Variants in ASPH observed in about 807,000 individuals in gnomAD.
ASPH encodes the protein aspartyl/asparaginyl beta-hydroxylase.
A neutral mutation model predicts 118.4 loss-of-function variants in ASPH; 100 were observed. That is an observed-to-expected ratio of 0.84 (90% confidence interval 0.72 to 1.00). ASPH has a LOEUF of 1.00. ASPH is among the 50% of genes least tolerant of loss of function. The pLI is 0.00. For synonymous variants in ASPH, 315 were observed against 325.6 expected, an observed-to-expected ratio of 0.97 and a Z score of 0.35; for missense variants, 920 against 919.5, an observed-to-expected ratio of 1.00 and a Z score of -0.01.
intron 3 of ASPH, among the ~76,000 whole-genome samples, chr8:61,679,525 T>C (rs971668130): frequency 6.6e-6 from 1 of 152,002 alleles, no homozygotes; most frequent in South Asian, 2.1e-4. Context: ...TCTAATGGCA[T>C]TTCCTGACAG....
chr8:61,662,920 A>G, intron 3 of ASPH: 1 of 984,912 alleles, frequency 1.0e-6, no homozygotes, highest in Non-Finnish European at 1.2e-6. Context: ...AGAATTTAGT[A>G]TTTATGTATT....
chr8:61,626,159 C>T, intron 13 of ASPH: 1 of 1,274,188 alleles, frequency 7.8e-7, no homozygotes, highest in Non-Finnish European at 1.0e-6. Flanking sequence ...AGTGTTCCTT[C>T]CCAAAGATCT....
chr8:61,646,472 C>T (rs1808031750), intron 6 of ASPH, among the ~76,000 whole-genome samples: 1 of 152,062 alleles, frequency 6.6e-6, no homozygotes, highest in Admixed American at 6.5e-5. Flanking sequence ...ACAAATAGCA[C>T]CCTAAGCAGA....
intron 14 of ASPH, among the ~76,000 whole-genome samples, chr8:61,607,611 A>C (rs1365633009): frequency 7.1e-6 from 1 of 140,810 alleles, no homozygotes; most frequent in Non-Finnish European, 1.6e-5. Flanking sequence ...TACTTTAATA[A>C]TAAGAGTTAA....
chr8:61,668,209 G>T (rs532697140), intron 3 of ASPH: 1 of 1,587,380 alleles, frequency 6.3e-7, no homozygotes, highest in Non-Finnish European at 8.6e-7. Context: ...ATTCACTCAA[G>T]GCTAATTTGA....
intron 1 of ASPH, among the ~76,000 whole-genome samples, chr8:61,692,658 G>A (rs758059408): frequency 3.3e-5 from 5 of 152,046 alleles, no homozygotes; most frequent in African/African-American, 9.7e-5. Context: ...CCCTCACCCC[G>A]GATCAGCTAT....
intron 19 of ASPH, 91 bp from the exon 20 acceptor site, chr8:61,553,211 T>C (rs1227114028): frequency 2.9e-6 from 3 of 1,033,464 alleles, no homozygotes; most frequent in Non-Finnish European, 4.3e-6. Flanking sequence ...GCACATCGTA[T>C]GAAAACCTAA....
At chr8:61,619,880 GGA>G (rs1422835449) in intron 13 of ASPH, among the ~76,000 whole-genome samples, 2 of 152,136 alleles carry the variant, frequency 1.3e-5, no homozygotes, top group Non-Finnish European at 2.9e-5. Context: ...CACATAGGTT[GGA>G]GAGGGAACAA....
chr8:61,613,868 A>T (rs1848222581), intron 14 of ASPH, among the ~76,000 whole-genome samples: 1 of 152,328 alleles, frequency 6.6e-6, no homozygotes, highest in Non-Finnish European at 1.5e-5. Flanking sequence ...TAAGAATCAC[A>T]AGGAAAACTT....
At chr8:61,517,813 A>G in intron 23 of ASPH, 152 bp from the exon 24 acceptor site, 1 of 1,235,108 alleles carries the variant, frequency 8.1e-7, no homozygotes, top group South Asian at 1.6e-5. Context: ...TTGTGAAGGA[A>G]CTAAAAATAA....
intron 1 of ASPH, among the ~76,000 whole-genome samples, chr8:61,710,265 A>T (rs898795550): frequency 3.9e-5 from 6 of 152,210 alleles, no homozygotes; most frequent in Non-Finnish European, 8.8e-5. Flanking sequence ...AGGTCATCAT[A>T]TTCCTTCTCC....
At chr8:61,702,386 G>A (rs907815414) in intron 1 of ASPH, among the ~76,000 whole-genome samples, 3 of 147,508 alleles carry the variant, frequency 2.0e-5, no homozygotes, top group African/African-American at 5.0e-5. Flanking sequence ...CCGGGTTCAC[G>A]CCATTCTCCT....
At chr8:61,551,358 T>C (rs754964169) in intron 20 of ASPH, among the ~76,000 whole-genome samples, 5 of 152,234 alleles carry the variant, frequency 3.3e-5, no homozygotes, top group East Asian at 1.9e-4. Flanking sequence ...AGGTGTTTAC[T>C]TCCTGACATG....
At chr8:61,554,662 T>C (rs1247850809) in intron 19 of ASPH, among the ~76,000 whole-genome samples, 1 of 152,206 alleles carries the variant, frequency 6.6e-6, no homozygotes. Flanking sequence ...TAAAAAACAT[T>C]TCCATCACAG....
chr8:61,631,337 A>C (rs1855504227), intron 13 of ASPH, among the ~76,000 whole-genome samples: 1 of 152,168 alleles, frequency 6.6e-6, no homozygotes, highest in Non-Finnish European at 1.5e-5. Context: ...AGCAAATTCC[A>C]GTGCTGTAAG....
intron 22 of ASPH, among the ~76,000 whole-genome samples, chr8:61,521,761 A>T (rs1338430448): frequency 6.6e-6 from 1 of 152,250 alleles, no homozygotes; most frequent in Non-Finnish European, 1.5e-5. Context: ...CTAACAGCCA[A>T]TGCAAATCTG....
intron 21 of ASPH, among the ~76,000 whole-genome samples, chr8:61,527,608 A>T (rs1367133368): frequency 6.6e-6 from 1 of 152,228 alleles, no homozygotes; most frequent in Non-Finnish European, 1.5e-5. Flanking sequence ...GGGAGGCCAA[A>T]GGAGAACTTT....
At position 61,701,610 on chromosome 8, in the gene ASPH, G is replaced by A. The variant is rs192009563; in HGVS notation, c.103+12659C>T. 1.4e-4 allele frequency among the ~76,000 whole-genome samples: 21 copies of A among 152,254 alleles called. No homozygotes were observed. The East Asian group carries it at 4.1e-3, about 29-fold the overall frequency. ...CCATGCCAGGCTCCCTAGGTCTCCA[G>A]GTATATTTACTGGTTACAACTAAAC... is the stretch of plus-strand genomic sequence containing the variant. On this transcript the variant is annotated intron_variant, in intron 1 of 24. Coordinates refer to ENST00000379454, the MANE Select transcript of ASPH (RefSeq NM_004318.4).
At chr8:61,601,471 C>G (rs868828400) in intron 14 of ASPH, among the ~76,000 whole-genome samples, 1 of 149,566 alleles carries the variant, frequency 6.7e-6, no homozygotes, top group South Asian at 2.1e-4. Context: ...ACCCAGGAGG[C>G]GGAGGTTGCA....
Sources: allele counts gnomAD v4.1 joint callset (sites outside exome capture counted in the v4.1 genomes callset), GRCh38; gene constraint gnomAD v4.1.1; transcripts MANE v1.5; gene names NCBI Gene and HGNC (gene_info 2026-07-23, HGNC 2026-07-21).